MBNL1: variants seen among roughly 807,000 people sequenced by gnomAD.
MBNL1 encodes the protein muscleblind-like protein 1.
Under a neutral mutation model 42.2 loss-of-function variants are expected in MBNL1, and 8 were observed. The ratio of observed to expected loss-of-function variants is 0.19; its 90% CI spans 0.11 to 0.34. MBNL1 has a LOEUF of 0.34. Among genes scored for constraint, MBNL1 ranks in the 10% least tolerant of loss-of-function variants. The probability of loss-of-function intolerance (pLI) is 1.00; values close to 1 mark genes in which losing one functional copy is unlikely to be tolerated. For synonymous variants in MBNL1, 169 were observed against 173.9 expected (o/e 0.97, Z 0.22); for missense variants, 309 against 495.3 (o/e 0.62, Z 3.57).
chr3:152,386,354 G>C (rs1579238312), intron 2 of MBNL1, among the ~76,000 whole-genome samples: 1 of 152,062 alleles, frequency 6.6e-6, no homozygotes, highest in East Asian at 1.9e-4. Flanking sequence ...TTATGTTCAA[G>C]TGTAGATGAC....
chr3:152,339,716 A>T (rs967613639), intron 2 of MBNL1: 29 of 152,180 alleles, frequency 1.9e-4, no homozygotes, highest in African/African-American at 6.8e-4. Flanking sequence ...AATGCAACTT[A>T]ATTTTTAAAA....
At position 152,455,549 on chromosome 3, in the gene MBNL1, A is replaced by G; in HGVS notation, c.969A>G (p.Ile323Met). The G allele has an allele frequency of 1.2e-6, 2 of 1,613,594 alleles. No homozygotes were observed. The highest frequency in any genetic ancestry group is 1.7e-6 in the Non-Finnish European group (2 of 1,179,650). ...GCAATGCATGATGGGCAGGCTCAAT[A>G]TTGTGCATGACACCCGCTACAAGTG... is the stretch of plus-strand genomic sequence containing the variant. ...QHTAFLPPGSILCMTPATSVV... is the reference protein window; with the variant it reads ...QHTAFLPPGSMLCMTPATSVV... The change falls in exon 7 of 10, where the codon ATA becomes ATG. Residue 323 changes from isoleucine (I) to methionine (M), a missense_variant. By Grantham distance (10) the Ile-to-Met change is conservative. Coordinates refer to ENST00000324210, the MANE Select transcript of MBNL1 (RefSeq NM_021038.5).
chr3:152,371,388 A>G (rs1461469002), intron 2 of MBNL1, among the ~76,000 whole-genome samples: 1 of 152,220 alleles, frequency 6.6e-6, no homozygotes, highest in Non-Finnish European at 1.5e-5. Context: ...ACCTGAGGTC[A>G]GGAGTTCAAG....
intron 3 of MBNL1, among the ~76,000 whole-genome samples, chr3:152,427,508 C>T (rs980009257): frequency 6.6e-6 from 1 of 152,078 alleles, no homozygotes; most frequent in African/African-American, 2.4e-5. Context: ...CCTGCCTCAG[C>T]CTCACAAAGT....
intron 2 of MBNL1, among the ~76,000 whole-genome samples, chr3:152,303,904 T>C (rs983007782): frequency 6.6e-6 from 1 of 152,310 alleles, no homozygotes; most frequent in Non-Finnish European, 1.5e-5. Flanking sequence ...TTGAAAACTT[T>C]AGTCACTTGT....
chr3:152,244,172 A>G (rs1161499125), intron 1 of MBNL1: 1 of 152,214 alleles, frequency 6.6e-6, no homozygotes, highest in African/African-American at 2.4e-5. Context: ...ATATACTTTA[A>G]TTATATATGT....
At chr3:152,397,133 C>G (rs1183957986) in intron 2 of MBNL1, among the ~76,000 whole-genome samples, 1 of 152,020 alleles carries the variant, frequency 6.6e-6, no homozygotes, top group Non-Finnish European at 1.5e-5. Context: ...GTTTCCCCAG[C>G]TTAAAAAAAT....
In MBNL1 at chr3:152,446,571, TTTTA is replaced by T. The variant is rs139328839; in HGVS notation, c.807+1036_807+1039del. 2.1e-3 allele frequency: 1,368 copies of T among 652,164 alleles called. 11 individuals carry two copies. In the African/African-American group the frequency reaches 0.022, roughly 11 times the overall value. The allele number at this position is 652,164 out of a possible 1,614,324, so 40.4% of individuals were successfully genotyped here. ...TATATGGCATTCCGATGATTTGTTTTTTTATTTGTTTTTTCTCACCTACCCAAAA... is the reference window on the plus strand; with the variant it reads ...TATATGGCATTCCGATGATTTGTTTTTTTGTTTTTTCTCACCTACCCAAAA... On this transcript the variant is annotated intron_variant, in intron 5 of 9. Coordinates refer to ENST00000324210, the MANE Select transcript of MBNL1 (RefSeq NM_021038.5).
chr3:152,373,341 GAAAAAAAA>G (rs35536807), intron 2 of MBNL1, among the ~76,000 whole-genome samples: 5 of 90,530 alleles, frequency 5.5e-5, no homozygotes, highest in African/African-American at 1.7e-4. Context: ...CTGGGGTATG[GAAAAAAAA>G]AAAAAAAAAA....
intron 2 of MBNL1, among the ~76,000 whole-genome samples, chr3:152,379,632 TACAC>T (rs1372801518): frequency 6.6e-6 from 1 of 152,204 alleles, no homozygotes; most frequent in Non-Finnish European, 1.5e-5. Context: ...TGTTTGGCAT[TACAC>T]AGGCAGAATC....
intron 1 of MBNL1, among the ~76,000 whole-genome samples, chr3:152,279,614 A>G (rs1478086719): frequency 1.3e-5 from 2 of 152,164 alleles, no homozygotes; most frequent in Non-Finnish European, 2.9e-5. Context: ...AAAACAAACT[A>G]GGCCTCCCAT....
intron 2 of MBNL1, among the ~76,000 whole-genome samples, chr3:152,395,988 G>T (rs1409542069): frequency 6.6e-6 from 1 of 152,148 alleles, no homozygotes; most frequent in Non-Finnish European, 1.5e-5. Context: ...ATTTACAGCT[G>T]CTCCGCATTG....
At chr3:152,264,065 TCCCAAATCC>T (rs960859816), upstream of MBNL1, 10 of 152,154 alleles carry the variant, frequency 6.6e-5, no homozygotes, top group African/African-American at 1.9e-4. Flanking sequence ...CAACCTTCTC[TCCCAAATCC>T]CCCCAACCTG....
intron 2 of MBNL1, among the ~76,000 whole-genome samples, chr3:152,319,614 GTTTTTTTTTTTTT>G (rs202070328): frequency 3.7e-5 from 3 of 80,534 alleles, no homozygotes; most frequent in Admixed American, 3.4e-4. Context: ...GTTCTATACT[GTTTTTTTTTTTTT>G]TTTTTTTTTT....
At chr3:152,409,933 C>G (rs896698149) in intron 2 of MBNL1, among the ~76,000 whole-genome samples, 13 of 152,138 alleles carry the variant, frequency 8.5e-5, no homozygotes, top group Non-Finnish European at 1.5e-4. Flanking sequence ...CAACCAACTT[C>G]TAATCGTTTT....
intron 1 of MBNL1, among the ~76,000 whole-genome samples, chr3:152,271,471 A>G (rs541689479): frequency 6.6e-5 from 10 of 152,228 alleles, no homozygotes; most frequent in Non-Finnish European, 8.8e-5. Context: ...TTAGGCCTGT[A>G]TTTGATAGAT....
chr3:152,391,670 C>T lies in MBNL1; in HGVS notation c.175-23271C>T, dbSNP rs2097721510. ...CTGACATGTGCAGCATATTGCTAAA[C>T]ACATGTGAGACATTATTGTAGTGAT... On this transcript the variant is annotated intron_variant, in intron 2 of 9. Transcript: ENST00000324210. Among the ~76,000 whole-genome samples, 3 of 152,204 alleles carry T rather than the reference C, an allele frequency of 2.0e-5. No homozygotes were observed. The South Asian group carries it at 6.2e-4, about 31-fold the overall frequency.
At chr3:152,337,306 C>CT (rs1312429509) in intron 2 of MBNL1, among the ~76,000 whole-genome samples, 1 of 152,130 alleles carries the variant, frequency 6.6e-6, no homozygotes, top group Admixed American at 6.6e-5. Context: ...AGTGATTAGT[C>CT]TATCTGACAG....
chr3:152,313,999 T>C (rs537790277), intron 2 of MBNL1, among the ~76,000 whole-genome samples: 52 of 152,322 alleles, frequency 3.4e-4, no homozygotes, highest in Middle Eastern at 3.4e-3. Context: ...CCTATTTAGC[T>C]TTATGCTGGT....
Sources: gnomAD v4.1 joint callset for allele counts (sites outside exome capture counted in the v4.1 genomes callset) on GRCh38, gnomAD v4.1.1 for gene constraint, MANE v1.5 for transcripts, NCBI Gene and HGNC (gene_info 2026-07-23, HGNC 2026-07-21) for gene names.